Variants in KDM3B observed in about 807,000 individuals in gnomAD.
KDM3B encodes lysine demethylase 3B, also known as lysine-specific demethylase 3B.
In KDM3B, 10 loss-of-function variants were observed where a neutral mutation model predicts 170.0. The observed-to-expected ratio is 0.06, with a 90% CI of 0.04 to 0.10. The LOEUF (loss-of-function observed/expected upper bound fraction) is 0.10, where lower values mean the gene tolerates loss of function less well. KDM3B is among the 10% of genes least tolerant of loss of function. The pLI, the probability that KDM3B is intolerant of heterozygous loss-of-function variation, is 1.00. For missense variants in KDM3B, 1,394 were observed against 2,195.2 expected (o/e 0.64, Z 7.29); for synonymous variants, 831 against 834.8 (o/e 1.00, Z 0.08).
rs751860678 is a variant in KDM3B, at chr5:138,393,258, A to G, written c.2717A>G (p.Asn906Ser). Residue 906 changes from asparagine (N) to serine (S), a missense_variant, in exon 9 of 24, where the codon AAT (asparagine) becomes AGT (serine). By Grantham distance (46) the Asn-to-Ser change is conservative. Coordinates refer to ENST00000314358, the MANE Select transcript of KDM3B (RefSeq NM_016604.4). Reference protein sequence around the residue: ...EPFLQDGSCINVAPHLHKCRE... With the variant: ...EPFLQDGSCISVAPHLHKCRE... Reference sequence around the variant, plus strand: ...TTCCTGCAGGATGGGTCATGCATCAATGTGGCACCTCATCTGCACAAGTGT... The same window carrying G: ...TTCCTGCAGGATGGGTCATGCATCAGTGTGGCACCTCATCTGCACAAGTGT... 6.2e-6 allele frequency: 10 copies of G among 1,614,096 alleles called. No individual in the cohort carries two copies. The highest frequency in any genetic ancestry group is 2.2e-5 in the East Asian group (1 of 44,898).
At chr5:138,387,882 C>A (rs1220958638) in intron 7 of KDM3B, among the ~76,000 whole-genome samples, 1 of 152,094 alleles carries the variant, frequency 6.6e-6, no homozygotes, top group East Asian at 1.9e-4. Context: ...GAGATCAAGA[C>A]CATCCTGGCT....
chr5:138,352,698 G>T lies in KDM3B; in HGVS notation c.-98G>T. ...GGGGGTGGGGGGGAACGGCGGCCGC[G>T]GGTGGTGCGGAGGGAGGCCTTGCGG... On this transcript the variant is annotated 5_prime_UTR_variant, in exon 1 of 24. Coordinates refer to ENST00000314358, the MANE Select transcript of KDM3B (RefSeq NM_016604.4). 1.0e-6 allele frequency: 1 copy of T among 970,022 alleles called. No individual in the cohort carries two copies. Among genetic ancestry groups the T allele is most frequent in the Non-Finnish European group, 1.3e-6 (1 of 769,812 alleles). 60.1% of individuals were successfully genotyped at this position (970,022 alleles called of 1,614,324 possible).
intron 7 of KDM3B, among the ~76,000 whole-genome samples, chr5:138,389,719 A>G (rs1462037298): frequency 6.6e-6 from 1 of 151,916 alleles, no homozygotes; most frequent in African/African-American, 2.4e-5. Context: ...GTTTTATTAA[A>G]TTAATAAATA....
At chr5:138,382,142 A>G (rs534085562) in intron 6 of KDM3B, among the ~76,000 whole-genome samples, 1 of 152,250 alleles carries the variant, frequency 6.6e-6, no homozygotes, top group Admixed American at 6.5e-5. Flanking sequence ...TATAGCCCCA[A>G]AAAAGATACA....
At chr5:138,392,725 A>G (rs550046619) in intron 8 of KDM3B, among the ~76,000 whole-genome samples, 2 of 152,298 alleles carry the variant, frequency 1.3e-5, no homozygotes, top group East Asian at 1.9e-4. Context: ...TAACAGCTCT[A>G]TCAAAATCCA....
At chr5:138,431,655 G>C in intron 23 of KDM3B, 96 bp downstream of exon 23, 1 of 1,155,552 alleles carries the variant, frequency 8.7e-7, no homozygotes, top group Non-Finnish European at 1.2e-6. Flanking sequence ...GGTATTCTCC[G>C]AAGGTCTAAT....
intron 1 of KDM3B, among the ~76,000 whole-genome samples, chr5:138,357,518 C>T (rs1263658091): frequency 1.3e-5 from 2 of 151,318 alleles, no homozygotes; most frequent in East Asian, 2.0e-4. Flanking sequence ...TGCACACTAC[C>T]ACGTCTGGCA....
chr5:138,386,079 G>A lies in KDM3B; in HGVS notation c.838G>A (p.Glu280Lys). ...AGGAAAGAAGAAGAGAGAAAGCATA[G>A]AGGGGAAAGATGGCCGGAGGAGGAA... ...SKGKKKRESI[E>K]GKDGRRRKSA... The change falls in exon 7 of 24, where the codon GAG (glutamate) becomes AAG (lysine). Residue 280 changes from glutamate (E) to lysine (K), a missense_variant. Transcript: ENST00000314358. 1 of 1,614,172 alleles carries A rather than the reference G, an allele frequency of 6.2e-7. No individual in the cohort carries two copies. The highest frequency in any genetic ancestry group is 2.2e-5 in the East Asian group (1 of 44,882).
At chr5:138,393,430 A>T in intron 9 of KDM3B, 58 bp downstream of exon 9, 1 of 1,354,270 alleles carries the variant, frequency 7.4e-7, no homozygotes. Context: ...CATAACTTCC[A>T]CTCTTTCTCT....
At chr5:138,428,121 G>A (rs1763440381) in intron 20 of KDM3B, 35 bp downstream of exon 20, 3 of 1,605,368 alleles carry the variant, frequency 1.9e-6, no homozygotes, top group Non-Finnish European at 2.6e-6. Flanking sequence ...TTAGGATGGT[G>A]AGGCTTTGTC....
intron 20 of KDM3B, 24 bp downstream of exon 20, chr5:138,428,110 T>C (rs1763440154): frequency 6.2e-7 from 1 of 1,610,324 alleles, no homozygotes; most frequent in African/African-American, 1.3e-5. Flanking sequence ...AATCCACTGC[T>C]TTAGGATGGT....
chr5:138,414,695 C>T (rs1017604484), intron 11 of KDM3B, among the ~76,000 whole-genome samples: 1 of 152,158 alleles, frequency 6.6e-6, no homozygotes, highest in African/African-American at 2.4e-5. Flanking sequence ...TGACTCATAC[C>T]TGTAATCCCA....
intron 20 of KDM3B, 92 bp downstream of exon 20, chr5:138,428,178 C>CT: frequency 8.2e-7 from 1 of 1,213,660 alleles, no homozygotes; most frequent in Admixed American, 2.6e-5. Flanking sequence ...AGTGGCTTTT[C>CT]CTTTTTTTTT....
rs375270346 is a variant in KDM3B, at chr5:138,394,752, C to T, written c.2831+1380C>T. ...AGTCATTGGAGGCCTTGAGCTGATG[C>T]GTGACACTGATTAATGTTTTAAAAG... On this transcript the variant is annotated intron_variant, in intron 9 of 23. Coordinates refer to ENST00000314358, the MANE Select transcript of KDM3B (RefSeq NM_016604.4). Among the ~76,000 whole-genome samples, 120 of 152,210 alleles carry T rather than the reference C, an allele frequency of 7.9e-4. 1 individual carries two copies. Among genetic ancestry groups the T allele is most frequent in the East Asian group, 6.4e-3 (33 of 5,184 alleles).
rs774941476 is a variant in KDM3B, at chr5:138,398,283, A to G, written c.2937A>G (p.Ala979=). 3 of 1,614,024 alleles carry G rather than the reference A, an allele frequency of 1.9e-6. No homozygotes were observed. The East Asian group carries it at 6.7e-5, about 36-fold the overall frequency. Residue 979 remains alanine (A), a synonymous_variant, in exon 10 of 24, where the codon GCA becomes GCG. Coordinates refer to ENST00000314358, the MANE Select transcript of KDM3B (RefSeq NM_016604.4). ...TGTGGATTCCCTCTTCCTCCCTAGC[A>G]GAAGGGATAGATCTAGAGACCTCAA... The part of the protein sequence containing the change: ...MNLWIPSSSL[A]EGIDLETSKY...
At chr5:138,382,141 A>C (rs967205042) in intron 6 of KDM3B, among the ~76,000 whole-genome samples, 7 of 152,148 alleles carry the variant, frequency 4.6e-5, no homozygotes, top group Non-Finnish European at 7.4e-5. Flanking sequence ...ATATAGCCCC[A>C]AAAAAGATAC....
At chr5:138,388,285 C>G (rs1379326853) in intron 7 of KDM3B, among the ~76,000 whole-genome samples, 1 of 151,984 alleles carries the variant, frequency 6.6e-6, no homozygotes, top group East Asian at 1.9e-4. Context: ...GTGACTATGA[C>G]AGTCATGTTG....
At chr5:138,379,555 T>C (rs1314192209) in intron 4 of KDM3B, 29 bp from the exon 5 acceptor site, 1 of 1,572,754 alleles carries the variant, frequency 6.4e-7, no homozygotes, top group East Asian at 2.3e-5. Context: ...TAGCCAAAAA[T>C]ACTCAATACT....
chr5:138,386,674 C>T (rs1762272587), intron 7 of KDM3B, 53 bp downstream of exon 7: 1 of 1,558,838 alleles, frequency 6.4e-7, no homozygotes, highest in Non-Finnish European at 8.7e-7. Flanking sequence ...CTTTCGCCCT[C>T]CTTTATTGCT....
Sources: allele counts gnomAD v4.1 joint callset (sites outside exome capture counted in the v4.1 genomes callset), GRCh38; gene constraint gnomAD v4.1.1; transcripts MANE v1.5; gene names NCBI Gene and HGNC (gene_info 2026-07-23, HGNC 2026-07-21).